The following FBXL17 variants were observed in gnomAD, a reference collection of about 807,000 sequenced individuals.
FBXL17 encodes the protein F-box/LRR-repeat protein 17.
In FBXL17, 22 loss-of-function variants were observed where a neutral mutation model predicts 66.2. That is an observed-to-expected ratio of 0.33 (90% CI 0.24 to 0.47). The LOEUF is 0.47. Among genes scored for constraint, FBXL17 ranks in the 20% least tolerant of loss-of-function variants. The pLI is 1.00. For missense variants in FBXL17, 878 were observed against 948.2 expected, an observed-to-expected ratio of 0.93 and a Z score of 0.97; for synonymous variants, 474 against 400.5, an observed-to-expected ratio of 1.18 and a Z score of -2.19.
chr5:108,086,990 C>T (rs535863753), intron 6 of FBXL17, among the ~76,000 whole-genome samples: 1 of 152,216 alleles, frequency 6.6e-6, no homozygotes, highest in East Asian at 1.9e-4. Flanking sequence ...CACCTTGCTA[C>T]CAACAGAGAG....
In FBXL17 at chr5:107,975,843, T is replaced by G. The variant is rs113854060; in HGVS notation, c.1822+45082A>C. ...TGCTTTTATTATGATAATTAGAGGG[T>G]TTTTGTTGTTGTTGTTTTTTTTTTT... On this transcript the variant is annotated intron_variant, in intron 7 of 8. Coordinates refer to ENST00000542267, the MANE Select transcript of FBXL17 (RefSeq NM_001163315.3). 7.3e-3 allele frequency among the ~76,000 whole-genome samples: 417 copies of G among 56,896 alleles called. 2 individuals carry two copies. The highest frequency in any genetic ancestry group is 0.03 in the African/African-American group (391 of 12,840). 37.3% of individuals were successfully genotyped at this position (56,896 alleles called of 152,430 possible).
At chr5:108,009,194 CATATATATATATATATATATAT>C (rs373679985) in intron 7 of FBXL17, among the ~76,000 whole-genome samples, 29 of 54,158 alleles carry the variant, frequency 5.4e-4, no homozygotes, top group African/African-American at 2.0e-3. Context: ...ATTTGAAAAG[CATATATATATATATATATATAT>C]ATATATATAT....
intron 7 of FBXL17, among the ~76,000 whole-genome samples, chr5:107,891,415 C>G (rs1462043540): frequency 6.6e-6 from 1 of 152,144 alleles, no homozygotes; most frequent in Non-Finnish European, 1.5e-5. Context: ...CAACGAATTG[C>G]TCCAGCTTCT....
chr5:108,225,689 T>C (rs1024537279), intron 4 of FBXL17, among the ~76,000 whole-genome samples: 2 of 152,202 alleles, frequency 1.3e-5, no homozygotes, highest in African/African-American at 4.8e-5. Flanking sequence ...TTCTATTGTT[T>C]AAGCCACTCA....
At chr5:108,019,359 G>A (rs1233578356) in intron 7 of FBXL17, among the ~76,000 whole-genome samples, 1 of 152,052 alleles carries the variant, frequency 6.6e-6, no homozygotes, top group Non-Finnish European at 1.5e-5. Context: ...TAACTTAATA[G>A]TAGGTGCTGG....
chr5:108,180,331 T>C (rs1752951818), intron 6 of FBXL17, among the ~76,000 whole-genome samples: 1 of 151,950 alleles, frequency 6.6e-6, no homozygotes, highest in Non-Finnish European at 1.5e-5. Context: ...GCCAACATGG[T>C]GAAACCCCGT....
chr5:108,204,326 G>C (rs899915636), intron 5 of FBXL17, among the ~76,000 whole-genome samples: 1 of 151,994 alleles, frequency 6.6e-6, no homozygotes, highest in Non-Finnish European at 1.5e-5. Context: ...GAGTAGCTGG[G>C]AATACAGGCA....
At chr5:108,008,876 A>G (rs1189313141) in intron 7 of FBXL17, among the ~76,000 whole-genome samples, 2 of 151,974 alleles carry the variant, frequency 1.3e-5, no homozygotes, top group African/African-American at 4.8e-5. Context: ...TTTTATTGTG[A>G]TTTTATTTCT....
At chr5:108,207,439 C>G (rs1192980960) in intron 5 of FBXL17, among the ~76,000 whole-genome samples, 3 of 152,062 alleles carry the variant, frequency 2.0e-5, no homozygotes, top group Non-Finnish European at 4.4e-5. Flanking sequence ...ATCAACCCAT[C>G]ACCTACATTA....
At chr5:107,894,646 C>A (rs1289975267) in intron 7 of FBXL17, among the ~76,000 whole-genome samples, 1 of 152,024 alleles carries the variant, frequency 6.6e-6, no homozygotes, top group East Asian at 1.9e-4. Context: ...TGGAGCTGAT[C>A]CATCCTGGGG....
At chr5:108,364,282 G>A (rs1381723869) in intron 3 of FBXL17, among the ~76,000 whole-genome samples, 1 of 151,896 alleles carries the variant, frequency 6.6e-6, no homozygotes. Flanking sequence ...CCCAGTTATT[G>A]TACCAAATAG....
At chr5:108,015,558 A>T (rs1561368747) in intron 7 of FBXL17, among the ~76,000 whole-genome samples, 1 of 152,214 alleles carries the variant, frequency 6.6e-6, no homozygotes, top group African/African-American at 2.4e-5. Flanking sequence ...ATGCCTAATA[A>T]CATAAAACAT....
chr5:108,241,427 G>A (rs1755849094), intron 4 of FBXL17, among the ~76,000 whole-genome samples: 1 of 151,902 alleles, frequency 6.6e-6, no homozygotes, highest in South Asian at 2.1e-4. Flanking sequence ...CTTGAAGACA[G>A]GCTATTTGAA....
chr5:107,968,854 T>C (rs1000189837), intron 7 of FBXL17, among the ~76,000 whole-genome samples: 2 of 151,726 alleles, frequency 1.3e-5, no homozygotes, highest in East Asian at 3.9e-4. Context: ...ATAAAGCACA[T>C]CAAAGTAAGT....
intron 6 of FBXL17, among the ~76,000 whole-genome samples, chr5:108,169,551 C>T (rs902853491): frequency 5.9e-5 from 9 of 151,988 alleles, no homozygotes; most frequent in African/African-American, 2.2e-4. Context: ...GCATTTTTAT[C>T]CCCCTGTATT....
chr5:107,880,247 G>T, intron 8 of FBXL17: 3 of 457,782 alleles, frequency 6.6e-6, no homozygotes, highest in Non-Finnish European at 8.6e-6. Context: ...TTTTTTTGTT[G>T]GGGGAGAGGG....
chr5:107,933,247 G>C (rs1337459015), intron 7 of FBXL17, among the ~76,000 whole-genome samples: 1 of 152,160 alleles, frequency 6.6e-6, no homozygotes, highest in Non-Finnish European at 1.5e-5. Context: ...AGAATGAGAT[G>C]GAACTTGGGA....
intron 1 of FBXL17, among the ~76,000 whole-genome samples, chr5:108,373,250 ATAT>A (rs1749168091): frequency 6.8e-6 from 1 of 146,008 alleles, no homozygotes; most frequent in African/African-American, 2.5e-5. Context: ...ATATCTAAAT[ATAT>A]TAATATAAAT....
intron 7 of FBXL17, among the ~76,000 whole-genome samples, chr5:107,966,318 C>G (rs1238426269): frequency 6.6e-6 from 1 of 152,084 alleles, no homozygotes; most frequent in Admixed American, 6.6e-5. Context: ...GACTCTCACC[C>G]CTGTTTTCAG....
Sources: gnomAD v4.1 joint callset for allele counts (sites outside exome capture counted in the v4.1 genomes callset) on GRCh38, gnomAD v4.1.1 for gene constraint, MANE v1.5 for transcripts, NCBI Gene and HGNC (gene_info 2026-07-23, HGNC 2026-07-21) for gene names.